Variants in ARSB observed in about 807,000 individuals in gnomAD.
The protein encoded by ARSB is N-acetylgalactosamine-4-sulfatase.
ARSB carries 41 observed loss-of-function variants against 50.9 expected under a neutral mutation model. The ratio of observed to expected loss-of-function variants is 0.81; its 90% CI spans 0.63 to 1.04. The LOEUF (loss-of-function observed/expected upper bound fraction) is 1.04, where lower values mean the gene tolerates loss of function less well. ARSB is among the 50% of genes least tolerant of loss of function. The pLI is 0.00. For synonymous variants in ARSB, 269 were observed against 284.8 expected (o/e 0.94, Z 0.56); for missense variants, 672 against 693.3 (o/e 0.97, Z 0.35).
intron 4 of ARSB, among the ~76,000 whole-genome samples, chr5:78,896,090 A>G (rs1660294173): frequency 6.6e-6 from 1 of 152,298 alleles, no homozygotes; most frequent in East Asian, 1.9e-4. Context: ...ATGGTTGCAC[A>G]AGGTGATGGA....
At chr5:78,797,532 A>G (rs1004074175) in intron 6 of ARSB, among the ~76,000 whole-genome samples, 14 of 152,174 alleles carry the variant, frequency 9.2e-5, no homozygotes, top group African/African-American at 2.7e-4. Context: ...ACATAGGGAT[A>G]TTGACATCCA....
Position 78,964,480 on chromosome 5 carries a change from A to C in ARSB, c.626T>G (p.Met209Arg), listed in dbSNP as rs1752124369. 2 of 1,613,984 alleles carry C rather than the reference A, an allele frequency of 1.2e-6. No homozygotes were observed. Among genetic ancestry groups the C allele is most frequent in the Admixed American group, 1.7e-5 (1 of 60,010 alleles). The change falls in exon 3 of 8, where the codon ATG becomes AGG. Residue 209 changes from methionine (M) to arginine (R), a missense_variant. By Grantham distance (91) the Met-to-Arg change is moderately conservative (BLOSUM62 -1). Transcript: ENST00000264914. ...GEEVATGYKN[M>R]YSTNIFTKRA... Reference sequence around the variant, plus strand: ...TTTGGTGAATATGTTTGTTGAATACATATTTTTATATCCTGTTGCAACTTC... The same window carrying C: ...TTTGGTGAATATGTTTGTTGAATACCTATTTTTATATCCTGTTGCAACTTC...
intron 5 of ARSB, among the ~76,000 whole-genome samples, chr5:78,855,579 C>A (rs1746097870): frequency 6.6e-6 from 1 of 152,156 alleles, no homozygotes; most frequent in Non-Finnish European, 1.5e-5. Flanking sequence ...ACACATCCAG[C>A]CATAGTTCCA....
intron 6 of ARSB, among the ~76,000 whole-genome samples, chr5:78,834,049 T>TTA (rs1166361023): frequency 6.6e-6 from 1 of 152,146 alleles, no homozygotes. Flanking sequence ...AACAATGACT[T>TTA]TGACAGGTTG....
intron 6 of ARSB, chr5:78,815,903 C>A: frequency 2.7e-6 from 4 of 1,457,364 alleles, no homozygotes; most frequent in Non-Finnish European, 2.7e-6. Flanking sequence ...AGTAAGACAG[C>A]CTCCTGGGGC....
chr5:78,950,617 A>G (rs1187939146), intron 4 of ARSB, among the ~76,000 whole-genome samples: 1 of 152,196 alleles, frequency 6.6e-6, no homozygotes, highest in Non-Finnish European at 1.5e-5. Context: ...TTAGCCTGTC[A>G]AAGAATTAGA....
At chr5:78,817,673 G>T (rs143494462) in intron 6 of ARSB, among the ~76,000 whole-genome samples, 1 of 151,952 alleles carries the variant, frequency 6.6e-6, no homozygotes, top group Admixed American at 6.5e-5. Context: ...GCTGGGTGTG[G>T]TGCCATATGC....
chr5:78,970,401 T>C (rs1392576606), intron 1 of ARSB, among the ~76,000 whole-genome samples: 3 of 152,234 alleles, frequency 2.0e-5, no homozygotes, highest in Admixed American at 1.3e-4. Flanking sequence ...GTTAATATAG[T>C]GGGTTTATTA....
At chr5:78,848,041 G>A (rs1285621373) in intron 5 of ARSB, among the ~76,000 whole-genome samples, 2 of 150,734 alleles carry the variant, frequency 1.3e-5, no homozygotes, top group South Asian at 2.1e-4. Flanking sequence ...ATTTTTTAGC[G>A]TGAATTTTTT....
At chr5:78,802,455 G>C (rs1176825560) in intron 6 of ARSB, among the ~76,000 whole-genome samples, 1 of 152,144 alleles carries the variant, frequency 6.6e-6, no homozygotes, top group African/African-American at 2.4e-5. Flanking sequence ...GTGGGTGTTT[G>C]AGAAATATTA....
intron 4 of ARSB, among the ~76,000 whole-genome samples, chr5:78,901,852 T>C (rs952301039): frequency 6.6e-6 from 1 of 152,178 alleles, no homozygotes; most frequent in Non-Finnish European, 1.5e-5. Flanking sequence ...AGGATTACTA[T>C]ATAACAAAAA....
intron 6 of ARSB, among the ~76,000 whole-genome samples, chr5:78,807,433 C>G (rs1408475244): frequency 1.3e-5 from 2 of 152,180 alleles, no homozygotes; most frequent in South Asian, 2.1e-4. Flanking sequence ...TTCTCTTCTA[C>G]AACCTCAGGA....
At chr5:78,919,737 C>T (rs984559592) in intron 4 of ARSB, among the ~76,000 whole-genome samples, 6 of 152,064 alleles carry the variant, frequency 3.9e-5, no homozygotes, top group South Asian at 2.1e-4. Context: ...ATGATCTGCC[C>T]GCCTCGGCCT....
chr5:78,806,299 T>C (rs952060210), intron 6 of ARSB, among the ~76,000 whole-genome samples: 2 of 152,200 alleles, frequency 1.3e-5, no homozygotes, highest in African/African-American at 4.8e-5. Flanking sequence ...ACCTGAAGGA[T>C]GTCATAGGCT....
At chr5:78,871,807 T>C (rs1245706769) in intron 5 of ARSB, among the ~76,000 whole-genome samples, 1 of 131,670 alleles carries the variant, frequency 7.6e-6, no homozygotes, top group Non-Finnish European at 1.7e-5. Flanking sequence ...AAAGCCAAAA[T>C]TGACAAATGG....
chr5:78,787,332 T>C (rs1749119822), intron 6 of ARSB, among the ~76,000 whole-genome samples: 1 of 152,136 alleles, frequency 6.6e-6, no homozygotes, highest in South Asian at 2.1e-4. Flanking sequence ...GCCTGAGTCC[T>C]CCCACTTTTA....
chr5:78,982,524 G>T (rs1012787253), intron 1 of ARSB, among the ~76,000 whole-genome samples: 1 of 152,086 alleles, frequency 6.6e-6, no homozygotes, highest in Admixed American at 6.5e-5. Flanking sequence ...GTGGTTATAG[G>T]CATCAACCCT....
intron 3 of ARSB, among the ~76,000 whole-genome samples, chr5:78,961,951 T>G (rs936609385): frequency 1.3e-5 from 2 of 152,110 alleles, no homozygotes; most frequent in Non-Finnish European, 2.9e-5. Flanking sequence ...GGCATCAGTA[T>G]TTCTTATAAG....
At chr5:78,841,168 C>CTACTACTACTACTACTACTACTAA (rs368030435) in intron 5 of ARSB, among the ~76,000 whole-genome samples, 324 of 132,004 alleles carry the variant, frequency 2.5e-3, no homozygotes, top group South Asian at 8.8e-3. Flanking sequence ...ACTACTACTA[C>CTACTACTACTACTACTACTACTAA]TAATAATAAT....
Sources: gnomAD v4.1 joint callset for allele counts (sites outside exome capture counted in the v4.1 genomes callset) on GRCh38, gnomAD v4.1.1 for gene constraint, MANE v1.5 for transcripts, NCBI Gene and HGNC (gene_info 2026-07-23, HGNC 2026-07-21) for gene names.